MTPAP: variants seen among roughly 807,000 people sequenced by gnomAD.
MTPAP encodes mitochondrial poly(A) polymerase.
Under a neutral mutation model 48.7 loss-of-function variants are expected in MTPAP, and 23 were observed. That is an observed-to-expected ratio of 0.47 (90% confidence interval 0.34 to 0.67). The LOEUF is 0.67. Ranked by LOEUF, MTPAP falls within the 30% of genes least tolerant of loss-of-function variation. The pLI, the probability that MTPAP is intolerant of heterozygous loss-of-function variation, is 0.01. For synonymous variants in MTPAP, 257 were observed against 254.1 expected (o/e 1.01, Z -0.11); for missense variants, 614 against 694.3 (o/e 0.88, Z 1.30).
intron 5 of MTPAP, 68 bp downstream of exon 5, chr10:30,326,356 G>A: frequency 7.3e-7 from 1 of 1,378,600 alleles, no homozygotes; most frequent in Non-Finnish European, 1.0e-6. Context: ...CACTGTTTCT[G>A]TGTGAGAAAC....
chr10:30,343,280 G>T (rs1371042784), intron 1 of MTPAP, among the ~76,000 whole-genome samples: 2 of 151,876 alleles, frequency 1.3e-5, no homozygotes, highest in Admixed American at 6.6e-5. Flanking sequence ...CAGGCGTGGT[G>T]TCGTGTGTCT....
intron 2 of MTPAP, among the ~76,000 whole-genome samples, chr10:30,340,850 CGG>C (rs1564523906): frequency 6.6e-6 from 1 of 151,888 alleles, no homozygotes. Context: ...ACCCAAGAGA[CGG>C]AGGTTGCAAT....
chr10:30,324,109 G>C (rs1834551920), intron 5 of MTPAP, among the ~76,000 whole-genome samples: 1 of 152,194 alleles, frequency 6.6e-6, no homozygotes, highest in Admixed American at 6.5e-5. Flanking sequence ...TGAGCCCAGG[G>C]AGGTAGAGGC....
At chr10:30,341,196 T>A (rs558044595) in intron 2 of MTPAP, among the ~76,000 whole-genome samples, 3 of 152,200 alleles carry the variant, frequency 2.0e-5, no homozygotes, top group Non-Finnish European at 4.4e-5. Context: ...CACTCCAGCA[T>A]AGGCCACATA....
chr10:30,315,831 C>T (rs1840655111), intron 8 of MTPAP, 132 bp downstream of exon 8: 1 of 1,040,610 alleles, frequency 9.6e-7, no homozygotes, highest in Non-Finnish European at 1.4e-6. Flanking sequence ...TGGACATCAA[C>T]CTCCTTGTTA....
chr10:30,316,911 C>CAAATAAAT (rs71023569), intron 6 of MTPAP, among the ~76,000 whole-genome samples: 1 of 151,584 alleles, frequency 6.6e-6, no homozygotes, highest in Non-Finnish European at 1.5e-5. Flanking sequence ...CAAAACAAAA[C>CAAATAAAT]AAATTTAAGT....
At chr10:30,324,984 A>G (rs925407865) in intron 5 of MTPAP, among the ~76,000 whole-genome samples, 2 of 136,324 alleles carry the variant, frequency 1.5e-5, no homozygotes, top group African/African-American at 5.6e-5. Context: ...GAGCAAGACT[A>G]TGTCTCAAAA....
intron 3 of MTPAP, 116 bp downstream of exon 3, chr10:30,340,110 A>T (rs1834781299): frequency 2.2e-6 from 2 of 907,442 alleles, no homozygotes; most frequent in Non-Finnish European, 3.4e-6. Context: ...TTCACCTTGT[A>T]AAACTGAAGA....
intron 4 of MTPAP, among the ~76,000 whole-genome samples, chr10:30,328,090 T>C (rs1834620830): frequency 6.6e-6 from 1 of 151,982 alleles, no homozygotes; most frequent in Non-Finnish European, 1.5e-5. Flanking sequence ...ACACACATCA[T>C]ACAAACGGGT....
intron 4 of MTPAP, among the ~76,000 whole-genome samples, chr10:30,327,038 C>A (rs1022694301): frequency 3.9e-5 from 6 of 152,076 alleles, no homozygotes; most frequent in Non-Finnish European, 8.8e-5. Context: ...GAAGTACAGG[C>A]ACAAGAGCTC....
intron 6 of MTPAP, among the ~76,000 whole-genome samples, chr10:30,316,625 C>T (rs1840665570): frequency 6.6e-6 from 1 of 151,360 alleles, no homozygotes; most frequent in South Asian, 2.1e-4. Flanking sequence ...CGCGGTGGCT[C>T]ACACCTGTAA....
chr10:30,320,550 T>A (rs11007982), intron 6 of MTPAP, among the ~76,000 whole-genome samples: 9,833 of 151,954 alleles, frequency 0.065, 1,060 homozygotes, highest in East Asian at 0.52. Flanking sequence ...ATAAAATTTT[T>A]AAAAAAATAG....
At chr10:30,325,849 T>TTTTTTTTTTTTTTTGAG (rs1475626741) in intron 5 of MTPAP, among the ~76,000 whole-genome samples, 1 of 150,932 alleles carries the variant, frequency 6.6e-6, no homozygotes, top group East Asian at 2.0e-4. Flanking sequence ...CCCACTTTTT[T>TTTTTTTTTTTTTTTGAG]AAGCAAACAA....
chr10:30,340,440 G>A lies in MTPAP; in HGVS notation c.341C>T (p.Ala114Val), dbSNP rs1253305621. ...TTCCTTTTGGCAAAATTCTACGACA[G>A]CATAGAGACCCTATACCAAAAACAT... is the stretch of plus-strand genomic sequence containing the variant. Reference protein sequence around the residue: ...HFFYESFGLYAVVEFCQKESI... With the variant: ...HFFYESFGLYVVVEFCQKESI... The change falls in exon 3 of 9, where the codon GCT becomes GTT. Residue 114 changes from alanine (A) to valine (V), a missense_variant. Coordinates refer to ENST00000263063, the MANE Select transcript of MTPAP (RefSeq NM_018109.4). The A allele has an allele frequency of 2.5e-6, 4 of 1,613,398 alleles. No homozygotes were observed. Among genetic ancestry groups the A allele is most frequent in the Non-Finnish European group, 1.7e-6 (2 of 1,179,404 alleles).
intron 8 of MTPAP, among the ~76,000 whole-genome samples, chr10:30,315,658 T>C (rs905986831): frequency 1.3e-5 from 2 of 152,218 alleles, no homozygotes; most frequent in African/African-American, 4.8e-5. Context: ...ATAATAGTTT[T>C]CAGGAAACTT....
At chr10:30,316,072 G>A (rs1244843996) in intron 7 of MTPAP, 36 bp from the exon 8 acceptor site, 1 of 1,608,404 alleles carries the variant, frequency 6.2e-7, no homozygotes, top group Non-Finnish European at 8.5e-7. Flanking sequence ...TCAGAGGAAA[G>A]CCTGTTTCAA....
chr10:30,343,736 T>G (rs1834838951), intron 1 of MTPAP, among the ~76,000 whole-genome samples: 1 of 151,634 alleles, frequency 6.6e-6, no homozygotes, highest in South Asian at 2.1e-4. Flanking sequence ...CCCAGCTAAT[T>G]TTTGTATGTT....
chr10:30,326,393 T>A (rs182427085), intron 5 of MTPAP, 31 bp downstream of exon 5: 36 of 1,564,458 alleles, frequency 2.3e-5, no homozygotes, highest in Non-Finnish European at 2.9e-5. Context: ...AGAATATTCA[T>A]ATTTAAAATA....
chr10:30,334,726 G>A (rs1834708622), intron 4 of MTPAP, among the ~76,000 whole-genome samples: 1 of 152,130 alleles, frequency 6.6e-6, no homozygotes, highest in African/African-American at 2.4e-5. Flanking sequence ...AATGGGAAAT[G>A]ATGACTAAAA....
Sources: allele counts gnomAD v4.1 joint callset (sites outside exome capture counted in the v4.1 genomes callset), GRCh38; gene constraint gnomAD v4.1.1; transcripts MANE v1.5; gene names NCBI Gene and HGNC (gene_info 2026-07-23, HGNC 2026-07-21).